CCDC3: variants seen among roughly 807,000 people sequenced by gnomAD.
CCDC3 encodes the protein coiled-coil domain-containing protein 3.
A neutral mutation model predicts 21.4 loss-of-function variants in CCDC3; 24 were observed. That is an observed-to-expected ratio of 1.12 (90% CI 0.81 to 1.58). The LOEUF (loss-of-function observed/expected upper bound fraction) is 1.58, where lower values mean the gene tolerates loss of function less well. CCDC3 is among the 40% of genes most tolerant of loss of function. The pLI, the probability that CCDC3 is intolerant of heterozygous loss-of-function variation, is 0.00. For synonymous variants in CCDC3, 186 were observed against 166.0 expected, an observed-to-expected ratio of 1.12 and a Z score of -0.93; for missense variants, 425 against 360.9, an observed-to-expected ratio of 1.18 and a Z score of -1.44.
chr10:12,916,572 A>G (rs2131210836), intron 2 of CCDC3, among the ~76,000 whole-genome samples: 1 of 150,074 alleles, frequency 6.7e-6, no homozygotes, highest in Admixed American at 6.6e-5. Context: ...GTGAGCTGAG[A>G]TCACGCCACT....
intron 2 of CCDC3, among the ~76,000 whole-genome samples, chr10:12,991,264 C>T (rs1266419501): frequency 1.3e-5 from 2 of 152,130 alleles, no homozygotes; most frequent in African/African-American, 4.8e-5. Flanking sequence ...TTCATTTTTT[C>T]CCTCCGTGCT....
At chr10:12,955,859 T>G (rs1164180501) in intron 2 of CCDC3, among the ~76,000 whole-genome samples, 1 of 152,138 alleles carries the variant, frequency 6.6e-6, no homozygotes, top group Non-Finnish European at 1.5e-5. Flanking sequence ...TACAAGCATG[T>G]GCCACCTGCC....
intron 3 of CCDC3, among the ~76,000 whole-genome samples, chr10:13,082,825 T>C (rs972574381): frequency 3.3e-5 from 5 of 152,236 alleles, no homozygotes; most frequent in Non-Finnish European, 5.9e-5. Context: ...TCCTAGGTTA[T>C]AATTGTAGAA....
At chr10:12,939,440 T>C (rs1056212864) in intron 2 of CCDC3, among the ~76,000 whole-genome samples, 4 of 152,152 alleles carry the variant, frequency 2.6e-5, no homozygotes, top group African/African-American at 7.2e-5. Flanking sequence ...CTGGGCAACA[T>C]GGTACAAACC....
chr10:13,008,080 G>C (rs559882009), intron 5 of CCDC3, among the ~76,000 whole-genome samples: 1 of 152,250 alleles, frequency 6.6e-6, no homozygotes, highest in African/African-American at 2.4e-5. Flanking sequence ...CCTGTCATGT[G>C]GTCTCAGGCT....
At chr10:13,065,288 A>G (rs1165430259) in intron 4 of CCDC3, among the ~76,000 whole-genome samples, 1 of 152,166 alleles carries the variant, frequency 6.6e-6, no homozygotes, top group Non-Finnish European at 1.5e-5. Context: ...ACTTTTTGGA[A>G]GTAGCTGGAT....
At chr10:13,009,078 G>C (rs1023619812) in intron 5 of CCDC3, among the ~76,000 whole-genome samples, 4 of 152,138 alleles carry the variant, frequency 2.6e-5, no homozygotes, top group African/African-American at 9.7e-5. Context: ...AGTTTAATAA[G>C]TGGAATACAA....
chr10:13,053,909 C>A (rs1369469994), intron 4 of CCDC3, among the ~76,000 whole-genome samples: 1 of 152,138 alleles, frequency 6.6e-6, no homozygotes, highest in African/African-American at 2.4e-5. Context: ...CTTTGTCAGG[C>A]TGAGGTGGGT....
intron 2 of CCDC3, among the ~76,000 whole-genome samples, chr10:12,991,464 G>C (rs962312781): frequency 2.0e-5 from 3 of 152,094 alleles, no homozygotes; most frequent in African/African-American, 7.2e-5. Context: ...GGGATTACAA[G>C]CATGTGCCAC....
At chr10:12,954,402 T>C (rs899907263) in intron 2 of CCDC3, among the ~76,000 whole-genome samples, 1 of 152,244 alleles carries the variant, frequency 6.6e-6, no homozygotes, top group Non-Finnish European at 1.5e-5. Context: ...AAATTACGTC[T>C]TTGTCCATTT....
At chr10:12,958,996 T>C (rs1457435351) in intron 2 of CCDC3, among the ~76,000 whole-genome samples, 2 of 152,014 alleles carry the variant, frequency 1.3e-5, no homozygotes, top group Non-Finnish European at 2.9e-5. Context: ...AAAAGTAAGG[T>C]CCACCATTGC....
chr10:13,018,102 A>AAAT (rs1425992461), intron 5 of CCDC3, among the ~76,000 whole-genome samples: 1 of 152,000 alleles, frequency 6.6e-6, no homozygotes, highest in African/African-American at 2.4e-5. Flanking sequence ...TGAAAAAAAA[A>AAAT]AATAATAATA....
intron 5 of CCDC3, among the ~76,000 whole-genome samples, chr10:13,024,259 A>G (rs546233842): frequency 2.0e-5 from 3 of 151,324 alleles, no homozygotes; most frequent in African/African-American, 7.3e-5. Flanking sequence ...ATATAATTTT[A>G]TTAAAATTTG....
intron 2 of CCDC3, among the ~76,000 whole-genome samples, chr10:12,949,458 T>C (rs1834976707): frequency 6.6e-6 from 1 of 152,206 alleles, no homozygotes; most frequent in Admixed American, 6.5e-5. Context: ...ACGGAGGCCA[T>C]GCTCAGTGGA....
chr10:13,060,582 G>A (rs536646359), intron 4 of CCDC3, among the ~76,000 whole-genome samples: 479 of 152,288 alleles, frequency 3.1e-3, no homozygotes, highest in African/African-American at 0.011. Flanking sequence ...ATGCTTCACT[G>A]CAGCCTCAAA....
At chr10:13,083,020 C>T (rs572875005) in intron 3 of CCDC3, among the ~76,000 whole-genome samples, 6 of 152,230 alleles carry the variant, frequency 3.9e-5, no homozygotes, top group Non-Finnish European at 8.8e-5. Context: ...GCTTGCTGCC[C>T]ACACAGCCTC....
chr10:13,048,386 G>C (rs1564332270), intron 5 of CCDC3, among the ~76,000 whole-genome samples: 1 of 151,980 alleles, frequency 6.6e-6, no homozygotes, highest in African/African-American at 2.4e-5. Flanking sequence ...TAGAGACGGG[G>C]TTTCACCATG....
intron 4 of CCDC3, among the ~76,000 whole-genome samples, chr10:13,055,786 A>G (rs1459133709): frequency 1.3e-5 from 2 of 152,170 alleles, no homozygotes; most frequent in Admixed American, 6.5e-5. Flanking sequence ...TTACTCATAA[A>G]CAAATTTGAC....
At chr10:12,922,332 C>T (rs1834465555) in intron 2 of CCDC3, among the ~76,000 whole-genome samples, 1 of 151,950 alleles carries the variant, frequency 6.6e-6, no homozygotes, top group Admixed American at 6.5e-5. Context: ...TGTGCCAGTT[C>T]CCAAAAACTC....
Sources: allele counts gnomAD v4.1 joint callset (sites outside exome capture counted in the v4.1 genomes callset), GRCh38; gene constraint gnomAD v4.1.1; transcripts MANE v1.5; gene names NCBI Gene and HGNC (gene_info 2026-07-23, HGNC 2026-07-21).